KCNIP4: variants seen among roughly 807,000 people sequenced by gnomAD.
KCNIP4 encodes Kv channel-interacting protein 4.
A neutral mutation model predicts 34.0 loss-of-function variants in KCNIP4; 12 were observed. That is an observed-to-expected ratio of 0.35 (90% CI 0.23 to 0.57). The LOEUF is 0.57. Ranked by LOEUF, KCNIP4 falls within the 20% of genes least tolerant of loss-of-function variation. KCNIP4 has a pLI of 0.83. For missense variants in KCNIP4, 238 were observed against 311.7 expected (o/e 0.76, Z 1.78); for synonymous variants, 124 against 102.2 (o/e 1.21, Z -1.29).
At chr4:21,647,004 C>A (rs1262294189) in intron 1 of KCNIP4, among the ~76,000 whole-genome samples, 1 of 151,924 alleles carries the variant, frequency 6.6e-6, no homozygotes, top group African/African-American at 2.4e-5. Context: ...AAAACCACAA[C>A]AGTTTTTCAG....
intron 1 of KCNIP4, among the ~76,000 whole-genome samples, chr4:21,347,633 A>G (rs1015548495): frequency 4.6e-4 from 70 of 152,350 alleles, no homozygotes; most frequent in African/African-American, 1.5e-3. Flanking sequence ...TCTAACAGGC[A>G]TCTGCAGAAT....
At chr4:20,933,619 C>A (rs1232079835) in intron 1 of KCNIP4, among the ~76,000 whole-genome samples, 1 of 151,938 alleles carries the variant, frequency 6.6e-6, no homozygotes, top group African/African-American at 2.4e-5. Context: ...CTGGCATACT[C>A]AGCATTAGTA....
chr4:20,785,671 C>T (rs575807991), intron 3 of KCNIP4, among the ~76,000 whole-genome samples: 1 of 152,126 alleles, frequency 6.6e-6, no homozygotes, highest in Non-Finnish European at 1.5e-5. Context: ...ATTAAAAATG[C>T]CACCTTTGGC....
chr4:21,727,292 A>G (rs1269756147), intron 1 of KCNIP4, among the ~76,000 whole-genome samples: 1 of 152,040 alleles, frequency 6.6e-6, no homozygotes, highest in Non-Finnish European at 1.5e-5. Context: ...TGAGGACATA[A>G]TCTTCATTCT....
At position 21,234,358 on chromosome 4, in the gene KCNIP4, CAT is replaced by C. The variant is rs1169318413; in HGVS notation, c.62-351651_62-351650del. ...TATATATAACATACATTATATATAA[CAT>C]ATATAATATATAACATACATCATAC... On this transcript the variant is annotated intron_variant, in intron 1 of 8. Transcript: ENST00000382152. Among the ~76,000 whole-genome samples the C allele has an allele frequency of 8.4e-5, 8 of 94,946 alleles. No individual in the cohort carries two copies. In the East Asian group the frequency reaches 1.6e-3, roughly 19 times the overall value. 62.3% of individuals were successfully genotyped at this position (94,946 alleles called of 152,430 possible).
chr4:21,769,396 T>G (rs1718630341), intron 1 of KCNIP4, among the ~76,000 whole-genome samples: 1 of 152,152 alleles, frequency 6.6e-6, no homozygotes, highest in African/African-American at 2.4e-5. Context: ...CTTTTGCTGG[T>G]CATATATTAT....
intron 1 of KCNIP4, among the ~76,000 whole-genome samples, chr4:21,702,761 T>G (rs952496101): frequency 1.3e-5 from 2 of 152,042 alleles, no homozygotes; most frequent in African/African-American, 2.4e-5. Context: ...GAGTACAGTA[T>G]TGGCATGACA....
chr4:21,453,344 C>A, intron 1 of KCNIP4, among the ~76,000 whole-genome samples: 1 of 151,986 alleles, frequency 6.6e-6, no homozygotes, highest in East Asian at 1.9e-4. Flanking sequence ...GGTCTTGTAC[C>A]TAGTGAACAT....
chr4:21,262,563 A>T (rs1761540077), intron 1 of KCNIP4, among the ~76,000 whole-genome samples: 1 of 152,196 alleles, frequency 6.6e-6, no homozygotes, highest in Admixed American at 6.5e-5. Context: ...TCTTCCCTGC[A>T]GGATTGAGCC....
chr4:21,502,139 G>A (rs1035422475), intron 1 of KCNIP4, among the ~76,000 whole-genome samples: 2 of 151,936 alleles, frequency 1.3e-5, no homozygotes, highest in Middle Eastern at 3.2e-3. Flanking sequence ...GCAGTATAAA[G>A]GAGAAATTTA....
chr4:20,872,759 G>A (rs1448805700), intron 2 of KCNIP4, among the ~76,000 whole-genome samples: 2 of 151,934 alleles, frequency 1.3e-5, no homozygotes, highest in Non-Finnish European at 2.9e-5. Context: ...ACCCATTCTG[G>A]CCCAAATTAA....
intron 3 of KCNIP4, among the ~76,000 whole-genome samples, chr4:20,810,413 AAG>A (rs540688569): frequency 3.4e-5 from 5 of 149,248 alleles, no homozygotes; most frequent in Admixed American, 6.7e-5. Flanking sequence ...TCAACAGAAA[AAG>A]AGAGAGGGAA....
chr4:20,834,286 T>G (rs1172596187), intron 3 of KCNIP4, among the ~76,000 whole-genome samples: 1 of 152,160 alleles, frequency 6.6e-6, no homozygotes, highest in Admixed American at 6.5e-5. Context: ...TGGGGTGTCT[T>G]GAATACATTT....
chr4:21,493,915 G>T (rs1458733506), intron 1 of KCNIP4, among the ~76,000 whole-genome samples: 1 of 152,218 alleles, frequency 6.6e-6, no homozygotes, highest in Non-Finnish European at 1.5e-5. Context: ...TGGGGCTAGA[G>T]CCCAAATATA....
chr4:21,407,142 A>C (rs186923887), intron 1 of KCNIP4, among the ~76,000 whole-genome samples: 18 of 152,008 alleles, frequency 1.2e-4, no homozygotes, highest in Non-Finnish European at 2.2e-4. Flanking sequence ...GCCTTCTAGC[A>C]AGATTGGACT....
At chr4:20,816,717 C>T (rs1252286562) in intron 3 of KCNIP4, among the ~76,000 whole-genome samples, 4 of 152,110 alleles carry the variant, frequency 2.6e-5, no homozygotes, top group African/African-American at 9.7e-5. Flanking sequence ...GTTTTTGCTA[C>T]CTTGACAATT....
chr4:21,921,251 A>G (rs545801085), intron 1 of KCNIP4, among the ~76,000 whole-genome samples: 1 of 151,922 alleles, frequency 6.6e-6, no homozygotes, highest in African/African-American at 2.4e-5. Context: ...TTCTCCATCT[A>G]TGACATTTAC....
chr4:21,248,499 G>A (rs539446820), intron 1 of KCNIP4, among the ~76,000 whole-genome samples: 7 of 152,138 alleles, frequency 4.6e-5, no homozygotes, highest in South Asian at 4.1e-4. Flanking sequence ...ACTTCCCAAA[G>A]CCTTGATAAC....
chr4:20,836,949 A>G (rs1419349900), intron 3 of KCNIP4, among the ~76,000 whole-genome samples: 6 of 151,584 alleles, frequency 4.0e-5, no homozygotes, highest in Admixed American at 4.0e-4. Flanking sequence ...CCCTTCCTCC[A>G]CCACACTCTA....
Sources: allele counts gnomAD v4.1 joint callset (sites outside exome capture counted in the v4.1 genomes callset), GRCh38; gene constraint gnomAD v4.1.1; transcripts MANE v1.5; gene names NCBI Gene and HGNC (gene_info 2026-07-23, HGNC 2026-07-21).